ARHGAP20: variants seen among roughly 807,000 people sequenced by gnomAD.
ARHGAP20 encodes the protein rho GTPase-activating protein 20.
In ARHGAP20, 34 loss-of-function variants were observed where a neutral mutation model predicts 73.7. The ratio of observed to expected loss-of-function variants is 0.46; its 90% CI spans 0.35 to 0.61. The LOEUF (loss-of-function observed/expected upper bound fraction) is 0.61. Among genes scored for constraint, ARHGAP20 ranks in the 20% least tolerant of loss-of-function variants. The probability of loss-of-function intolerance (pLI) is 0.00; values close to 1 mark genes in which losing one functional copy is unlikely to be tolerated. For synonymous variants in ARHGAP20, 523 were observed against 518.2 expected, an observed-to-expected ratio of 1.01 and a Z score of -0.13; for missense variants, 1,314 against 1,420.9, an observed-to-expected ratio of 0.92 and a Z score of 1.21.
chr11:110,597,195 C>T (rs1421991661), intron 9 of ARHGAP20, among the ~76,000 whole-genome samples: 5 of 150,346 alleles, frequency 3.3e-5, no homozygotes, highest in South Asian at 2.1e-4. Context: ...TGCTAAATGA[C>T]GAGTTGATGG....
intron 7 of ARHGAP20, among the ~76,000 whole-genome samples, chr11:110,610,234 T>C (rs978034591): frequency 2.6e-5 from 4 of 152,118 alleles, no homozygotes; most frequent in African/African-American, 9.7e-5. Flanking sequence ...TAACGAATTA[T>C]TAGATTATCC....
chr11:110,711,004 G>C, intron 1 of ARHGAP20, among the ~76,000 whole-genome samples: 1 of 73,066 alleles, frequency 1.4e-5, no homozygotes, highest in African/African-American at 7.4e-5. Flanking sequence ...CTAAGACAAG[G>C]CAAAAAAAAA....
intron 4 of ARHGAP20, among the ~76,000 whole-genome samples, chr11:110,622,788 G>C (rs935586495): frequency 5.3e-4 from 80 of 152,206 alleles, no homozygotes; most frequent in African/African-American, 1.9e-3. Context: ...AGATCACAAG[G>C]TTAATTGTTC....
chr11:110,619,406 ATAGAGTATATGCAGTGG>A (rs1565441875), intron 4 of ARHGAP20, among the ~76,000 whole-genome samples: 7 of 149,924 alleles, frequency 4.7e-5, no homozygotes, highest in African/African-American at 7.5e-5. Context: ...ATATGCAGTG[ATAGAGTATATGCAGTGG>A]TAGAGTATAT....
At chr11:110,680,370 T>C (rs537920310) in intron 2 of ARHGAP20, among the ~76,000 whole-genome samples, 1 of 152,292 alleles carries the variant, frequency 6.6e-6, no homozygotes, top group East Asian at 1.9e-4. Context: ...GCTTCCCTAA[T>C]ATGTCTTTTT....
chr11:110,700,444 G>C (rs1449700), intron 1 of ARHGAP20, among the ~76,000 whole-genome samples: 110 of 152,000 alleles, frequency 7.2e-4, no homozygotes, highest in African/African-American at 2.6e-3. Context: ...GCAATTTCGT[G>C]AGCATTAAAG....
chr11:110,610,015 AAC>A (rs1351053474), intron 7 of ARHGAP20, among the ~76,000 whole-genome samples: 1 of 152,166 alleles, frequency 6.6e-6, no homozygotes, highest in Non-Finnish European at 1.5e-5. Context: ...TAGTTAAATT[AAC>A]AGTTTTTTTT....
At chr11:110,698,894 T>A (rs1950390143) in intron 1 of ARHGAP20, among the ~76,000 whole-genome samples, 1 of 151,864 alleles carries the variant, frequency 6.6e-6, no homozygotes, top group African/African-American at 2.4e-5. Context: ...CTTTATATCT[T>A]TTTTTGTCTC....
chr11:110,659,256 C>G (rs561108792), intron 2 of ARHGAP20, among the ~76,000 whole-genome samples: 3,352 of 138,884 alleles, frequency 0.024, 131 homozygotes, highest in African/African-American at 0.088. Flanking sequence ...GCCATTCTAA[C>G]TGGTGTGAGA....
At chr11:110,605,222 A>C (rs920100036) in intron 9 of ARHGAP20, among the ~76,000 whole-genome samples, 1 of 152,158 alleles carries the variant, frequency 6.6e-6, no homozygotes, top group Non-Finnish European at 1.5e-5. Flanking sequence ...GGTAGAGTTT[A>C]GTAGGTTTGA....
At chr11:110,664,085 G>C (rs1303120772) in intron 2 of ARHGAP20, among the ~76,000 whole-genome samples, 4 of 152,160 alleles carry the variant, frequency 2.6e-5, no homozygotes, top group African/African-American at 9.7e-5. Flanking sequence ...TCCAGATATA[G>C]AAGTGAACTT....
intron 1 of ARHGAP20, among the ~76,000 whole-genome samples, chr11:110,708,031 G>A (rs971057802): frequency 6.0e-5 from 9 of 151,252 alleles, no homozygotes; most frequent in Non-Finnish European, 1.0e-4. Flanking sequence ...TCTTTTGAAA[G>A]ATACTCTTAA....
chr11:110,690,484 C>G, intron 2 of ARHGAP20, 63 bp downstream of exon 2: 21 of 1,426,850 alleles, frequency 1.5e-5, no homozygotes, highest in Non-Finnish European at 2.0e-5. Context: ...ATCTGAAAAA[C>G]TCTTCATCTA....
intron 2 of ARHGAP20, among the ~76,000 whole-genome samples, chr11:110,646,553 T>C (rs955169534): frequency 3.3e-5 from 5 of 152,100 alleles, no homozygotes; most frequent in Admixed American, 1.3e-4. Flanking sequence ...TTTCAAACCT[T>C]CTCAGAAATA....
chr11:110,595,904 C>T (rs1040282447), intron 9 of ARHGAP20, among the ~76,000 whole-genome samples: 17 of 152,168 alleles, frequency 1.1e-4, no homozygotes, highest in Middle Eastern at 3.4e-3. Context: ...TACTACAAGG[C>T]TACAGTAACC....
intron 1 of ARHGAP20, 185 bp downstream of exon 1, chr11:110,711,942 G>T: frequency 1.6e-6 from 2 of 1,253,696 alleles, no homozygotes; most frequent in Non-Finnish European, 2.0e-6. Flanking sequence ...TGCGGGAGGC[G>T]GCGGCGCTGC....
At chr11:110,695,801 C>A (rs1198256748) in intron 1 of ARHGAP20, among the ~76,000 whole-genome samples, 2 of 151,564 alleles carry the variant, frequency 1.3e-5, no homozygotes, top group Non-Finnish European at 3.0e-5. Flanking sequence ...TACGATCCTG[C>A]AATTCTACTC....
At chr11:110,699,834 T>C (rs943087767) in intron 1 of ARHGAP20, among the ~76,000 whole-genome samples, 1 of 151,994 alleles carries the variant, frequency 6.6e-6, no homozygotes, top group South Asian at 2.1e-4. Flanking sequence ...GGTTTTCACA[T>C]AGTAAATTCT....
rs1263080038 is a variant in ARHGAP20 at position 110,579,928 on chromosome 11, T to C, written c.3018A>G (p.Ser1006=). Reference sequence around the variant, plus strand: ...AGGCTGGGCGGCTGCAAGCCTGCCCTGATGAGGGACCGGGCATTCCGGAAA... The same window carrying C: ...AGGCTGGGCGGCTGCAAGCCTGCCCCGATGAGGGACCGGGCATTCCGGAAA... ...SHVSGMPGPS[S]GQACSRPAYT... is the part of the protein sequence containing the mutation. The change falls in exon 15 of 15, where the codon TCA becomes TCG. Residue 1006 remains serine (S), a synonymous_variant. Coordinates refer to ENST00000683387, the MANE Select transcript of ARHGAP20 (RefSeq NM_001384657.1). The C allele has an allele frequency of 6.2e-7, 1 of 1,614,208 alleles. No homozygotes were observed. The highest frequency in any genetic ancestry group is 1.3e-5 in the African/African-American group (1 of 75,060).
Sources: allele counts gnomAD v4.1 joint callset (sites outside exome capture counted in the v4.1 genomes callset), GRCh38; gene constraint gnomAD v4.1.1; transcripts MANE v1.5; gene names NCBI Gene and HGNC (gene_info 2026-07-23, HGNC 2026-07-21).